RAP1GDS1: variants seen among roughly 807,000 people sequenced by gnomAD.
The protein encoded by RAP1GDS1 is RAP1, GTP-GDP dissociation stimulator 1.
In RAP1GDS1, 35 loss-of-function variants were observed where a neutral mutation model predicts 71.1. That is an observed-to-expected ratio of 0.49 (90% CI 0.38 to 0.65). RAP1GDS1 has a LOEUF of 0.65. Ranked by LOEUF, RAP1GDS1 falls within the 30% of genes least tolerant of loss-of-function variation. The pLI is 0.00. For missense variants in RAP1GDS1, 663 were observed against 706.1 expected, an observed-to-expected ratio of 0.94 and a Z score of 0.69; for synonymous variants, 229 against 243.1, an observed-to-expected ratio of 0.94 and a Z score of 0.54.
In RAP1GDS1 at chr4:98,331,053, C is replaced by T. The variant is rs1383362641; in HGVS notation, c.113-12086C>T. 5.3e-5 allele frequency among the ~76,000 whole-genome samples: 8 copies of T among 152,096 alleles called. No individual in the cohort carries two copies. In the South Asian group the frequency reaches 1.0e-3, roughly 20 times the overall value. ...GACTCCGTCTGCAATCCCAGCACCT[C>T]GGGAGGCCAAGGCGGGCAGATACTC... On this transcript the variant is annotated intron_variant, in intron 2 of 14. Coordinates refer to ENST00000408927, the MANE Select transcript of RAP1GDS1 (RefSeq NM_001100427.2).
At chr4:98,420,442 C>T (rs889087438) in intron 11 of RAP1GDS1, among the ~76,000 whole-genome samples, 14 of 151,512 alleles carry the variant, frequency 9.2e-5, no homozygotes, top group African/African-American at 2.7e-4. Context: ...CTCAGCTCAC[C>T]GCAACTTCCG....
intron 1 of RAP1GDS1, among the ~76,000 whole-genome samples, chr4:98,274,792 A>G (rs942275273): frequency 5.9e-5 from 9 of 152,214 alleles, no homozygotes; most frequent in African/African-American, 2.2e-4. Context: ...TCAAGAGCCA[A>G]AGAAAACCTC....
At chr4:98,407,950 G>C (rs1236826229) in intron 7 of RAP1GDS1, among the ~76,000 whole-genome samples, 1 of 151,976 alleles carries the variant, frequency 6.6e-6, no homozygotes, top group Non-Finnish European at 1.5e-5. Flanking sequence ...CAGTGGAATT[G>C]GTAAACCCGT....
At chr4:98,352,654 C>T in intron 4 of RAP1GDS1, 53 bp downstream of exon 4, 2 of 1,588,654 alleles carry the variant, frequency 1.3e-6, no homozygotes, top group Non-Finnish European at 8.6e-7. Flanking sequence ...TTATGATATT[C>T]AGACTAATCT....
At chr4:98,424,974 G>C (rs1395251729) in intron 12 of RAP1GDS1, among the ~76,000 whole-genome samples, 1 of 152,148 alleles carries the variant, frequency 6.6e-6, no homozygotes, top group East Asian at 1.9e-4. Flanking sequence ...AGAATCTTCA[G>C]AGCTGTGAAG....
intron 6 of RAP1GDS1, among the ~76,000 whole-genome samples, chr4:98,398,993 TATTCAAAGCAATCTGCAG>T (rs1354006023): frequency 6.6e-6 from 1 of 152,164 alleles, no homozygotes; most frequent in Non-Finnish European, 1.5e-5. Flanking sequence ...ACGGTCATAC[TATTCAAAGCAATCTGCAG>T]ATTCAATGCA....
intron 3 of RAP1GDS1, among the ~76,000 whole-genome samples, chr4:98,351,192 A>G (rs767161758): frequency 1.1e-4 from 17 of 152,224 alleles, no homozygotes; most frequent in East Asian, 7.7e-4. Context: ...GATAACGTCA[A>G]TGATAAGCTC....
intron 2 of RAP1GDS1, among the ~76,000 whole-genome samples, chr4:98,299,324 T>G (rs1194413478): frequency 1.3e-5 from 2 of 152,246 alleles, no homozygotes; most frequent in African/African-American, 2.4e-5. Flanking sequence ...ACATTCAGAT[T>G]GGTTCCAAGT....
intron 2 of RAP1GDS1, among the ~76,000 whole-genome samples, chr4:98,328,769 A>G (rs1386749935): frequency 6.6e-6 from 1 of 152,182 alleles, no homozygotes; most frequent in Non-Finnish European, 1.5e-5. Context: ...TGCAACCTCC[A>G]CGTCCTGGGT....
intron 1 of RAP1GDS1, among the ~76,000 whole-genome samples, chr4:98,272,587 G>C (rs947673521): frequency 6.6e-6 from 1 of 152,138 alleles, no homozygotes; most frequent in African/African-American, 2.4e-5. Context: ...AGACAGTACA[G>C]TTTTCAGTGC....
intron 3 of RAP1GDS1, among the ~76,000 whole-genome samples, chr4:98,351,565 T>G (rs1392509067): frequency 6.6e-6 from 1 of 152,146 alleles, no homozygotes; most frequent in Non-Finnish European, 1.5e-5. Context: ...AGTTCTTTGT[T>G]AACTAACTTT....
chr4:98,404,692 A>C, intron 7 of RAP1GDS1, 90 bp downstream of exon 7: 1 of 1,433,468 alleles, frequency 7.0e-7, no homozygotes, highest in Non-Finnish European at 9.5e-7. Context: ...CATTTGACTC[A>C]AAACCATTCT....
chr4:98,431,805 T>A lies in RAP1GDS1; in HGVS notation c.1441-2131T>A, dbSNP rs145086652. On this transcript the variant is annotated intron_variant, in intron 12 of 14. Transcript: ENST00000408927. ...GCTCCATAAAGGGTTGCCATCAATA[T>A]TATTCTGTCACATGTGACGAATACG... Among the ~76,000 whole-genome samples, 751 of 152,360 alleles carry A rather than the reference T, an allele frequency of 4.9e-3. 6 individuals are homozygous for A. The highest frequency in any genetic ancestry group is 0.017 in the African/African-American group (709 of 41,584).
At chr4:98,349,603 A>G (rs1736837902) in intron 3 of RAP1GDS1, among the ~76,000 whole-genome samples, 1 of 152,176 alleles carries the variant, frequency 6.6e-6, no homozygotes, top group Non-Finnish European at 1.5e-5. Flanking sequence ...CCACGAGCAT[A>G]GAATGTTCTT....
At chr4:98,286,884 CT>C (rs1726114839) in intron 1 of RAP1GDS1, among the ~76,000 whole-genome samples, 1 of 94,238 alleles carries the variant, frequency 1.1e-5, no homozygotes. Context: ...GAAACTCCGT[CT>C]TAAAAAAAAA....
At chr4:98,389,014 T>C (rs1743201411) in intron 5 of RAP1GDS1, among the ~76,000 whole-genome samples, 1 of 140,412 alleles carries the variant, frequency 7.1e-6, no homozygotes, top group African/African-American at 3.1e-5. Context: ...TTTGTTTTAC[T>C]ATTTGTGATG....
intron 2 of RAP1GDS1, chr4:98,296,949 C>A: frequency 6.0e-6 from 2 of 334,332 alleles, no homozygotes; most frequent in Non-Finnish European, 1.1e-5. Flanking sequence ...CCGGGGGGAC[C>A]ATAAAGTGTG....
In RAP1GDS1 at chr4:98,312,744, G is replaced by T. The variant is rs145605724; in HGVS notation, c.112+19229G>T. On this transcript the variant is annotated intron_variant, in intron 2 of 14. Coordinates refer to ENST00000408927, the MANE Select transcript of RAP1GDS1 (RefSeq NM_001100427.2). ...ATAGATGTATAGATATATATATATA[G>T]AGAGAGAAATAGGTATGGGCGGGGG... Among the ~76,000 whole-genome samples, 1,186 of 151,710 alleles carry T rather than the reference G, an allele frequency of 7.8e-3. 16 individuals carry two copies. The highest frequency in any genetic ancestry group is 0.024 in the African/African-American group (999 of 41,380).
chr4:98,373,509 T>A (rs1740711604), intron 4 of RAP1GDS1, among the ~76,000 whole-genome samples: 1 of 152,084 alleles, frequency 6.6e-6, no homozygotes, highest in Non-Finnish European at 1.5e-5. Context: ...TTAATAGATT[T>A]GTAGCATGAT....
Sources: allele counts gnomAD v4.1 joint callset (sites outside exome capture counted in the v4.1 genomes callset), GRCh38; gene constraint gnomAD v4.1.1; transcripts MANE v1.5; gene names NCBI Gene and HGNC (gene_info 2026-07-23, HGNC 2026-07-21).